RAB10: variants seen among roughly 807,000 people sequenced by gnomAD.
The protein encoded by RAB10 is RAB10, member RAS oncogene family.
In RAB10, 5 loss-of-function variants were observed where a neutral mutation model predicts 25.7. The ratio of observed to expected loss-of-function variants is 0.19; its 90% CI spans 0.10 to 0.41. The LOEUF (loss-of-function observed/expected upper bound fraction) is 0.41, where lower values mean the gene tolerates loss of function less well. Among genes scored for constraint, RAB10 ranks in the 10% least tolerant of loss-of-function variants. The pLI is 1.00. For synonymous variants in RAB10, 89 were observed against 86.4 expected, an observed-to-expected ratio of 1.03 and a Z score of -0.16; for missense variants, 103 against 245.8, an observed-to-expected ratio of 0.42 and a Z score of 3.89.
At chr2:26,077,153 TTG>T (rs1259890612) in intron 1 of RAB10, among the ~76,000 whole-genome samples, 7 of 152,180 alleles carry the variant, frequency 4.6e-5, no homozygotes, top group African/African-American at 1.4e-4. Flanking sequence ...TCAGACATGA[TTG>T]TGTTTTACTT....
chr2:26,074,779 G>T (rs1012933525), intron 1 of RAB10, among the ~76,000 whole-genome samples: 1 of 152,156 alleles, frequency 6.6e-6, no homozygotes, highest in African/African-American at 2.4e-5. Flanking sequence ...ATCTGGAGTC[G>T]AACTCATGTC....
upstream of RAB10, among the ~76,000 whole-genome samples, chr2:26,033,658 A>G (rs1000537210): frequency 6.6e-6 from 1 of 152,226 alleles, no homozygotes; most frequent in Non-Finnish European, 1.5e-5. Context: ...CGCTGCGCCA[A>G]GACCTCCAGC....
At chr2:26,052,069 A>AT (rs1666150653) in intron 1 of RAB10, among the ~76,000 whole-genome samples, 1 of 150,700 alleles carries the variant, frequency 6.6e-6, no homozygotes, top group Non-Finnish European at 1.5e-5. Context: ...AAAAAAAAAA[A>AT]CAAAAAGTCA....
chr2:26,054,569 A>G (rs979975973), intron 1 of RAB10, among the ~76,000 whole-genome samples: 1 of 152,220 alleles, frequency 6.6e-6, no homozygotes, highest in South Asian at 2.1e-4. Flanking sequence ...AGCATAGTTA[A>G]TAGGCAAGAG....
At chr2:26,057,224 C>A (rs1229882212) in intron 1 of RAB10, among the ~76,000 whole-genome samples, 4 of 152,124 alleles carry the variant, frequency 2.6e-5, no homozygotes, top group African/African-American at 9.7e-5. Flanking sequence ...AATAAAACTA[C>A]TTGAAGTCAT....
At chr2:26,060,852 T>A (rs1222906099) in intron 1 of RAB10, among the ~76,000 whole-genome samples, 1 of 152,162 alleles carries the variant, frequency 6.6e-6, no homozygotes, top group Non-Finnish European at 1.5e-5. Context: ...AAAAATCTGC[T>A]GGCCCGACTT....
intron 1 of RAB10, among the ~76,000 whole-genome samples, chr2:26,084,738 A>G (rs931595767): frequency 4.9e-5 from 7 of 141,590 alleles, no homozygotes; most frequent in Non-Finnish European, 7.7e-5. Flanking sequence ...ATCCCTTTTC[A>G]TCGAGTTACC....
intron 1 of RAB10, among the ~76,000 whole-genome samples, chr2:26,087,061 A>G (rs1667003042): frequency 1.3e-5 from 2 of 152,182 alleles, no homozygotes; most frequent in African/African-American, 4.8e-5. Context: ...GTTACACAAC[A>G]TTATGAATTG....
intron 1 of RAB10, among the ~76,000 whole-genome samples, chr2:26,054,937 C>T (rs997399236): frequency 6.6e-6 from 1 of 151,300 alleles, no homozygotes; most frequent in African/African-American, 2.4e-5. Flanking sequence ...GCTGAGATCA[C>T]GTCACTGCAC....
At chr2:26,134,669 A>G (rs1668073305) in intron 5 of RAB10, among the ~76,000 whole-genome samples, 2 of 152,344 alleles carry the variant, frequency 1.3e-5, no homozygotes, top group South Asian at 2.1e-4. Flanking sequence ...AACAAAATCT[A>G]TTTAAGAGTT....
chr2:26,109,439 G>A (rs552217138), intron 2 of RAB10, among the ~76,000 whole-genome samples: 47 of 152,258 alleles, frequency 3.1e-4, no homozygotes, highest in South Asian at 1.7e-3. Context: ...GATTCTAAAT[G>A]TAAATATGAC....
chr2:26,136,585 A>G lies in RAB10; in HGVS notation c.*1564A>G, dbSNP rs1558291912. 2 of 152,650 alleles carry G rather than the reference A, an allele frequency of 1.3e-5. No homozygotes were observed. Among genetic ancestry groups the G allele is most frequent in the South Asian group, 2.1e-4 (1 of 4,836 alleles). 9.5% of individuals were successfully genotyped at this position (152,650 alleles called of 1,614,324 possible). A position where few individuals can be genotyped will look rare whatever the true frequency, so the allele number is the denominator to read the frequency against. ...TAGGATAGGGTAAGTGAAGTTTGCT[A>G]TGCTGCTAGCATCCTAAGATGATAC... On this transcript the variant is annotated 3_prime_UTR_variant, in exon 6 of 6. Coordinates refer to ENST00000264710, the MANE Select transcript of RAB10 (RefSeq NM_016131.5).
chr2:26,082,951 A>G (rs1011603813), intron 1 of RAB10, among the ~76,000 whole-genome samples: 28 of 152,232 alleles, frequency 1.8e-4, no homozygotes, highest in African/African-American at 6.3e-4. Context: ...ATTTAAAATC[A>G]AAGTAATTAG....
At chr2:26,069,674 C>A (rs1165678849) in intron 1 of RAB10, among the ~76,000 whole-genome samples, 1 of 150,750 alleles carries the variant, frequency 6.6e-6, no homozygotes, top group Non-Finnish European at 1.5e-5. Context: ...CCCCTACCCC[C>A]CAAAAAAAAA....
chr2:26,107,437 T>C (rs1667488537), intron 2 of RAB10, among the ~76,000 whole-genome samples: 1 of 152,122 alleles, frequency 6.6e-6, no homozygotes, highest in Non-Finnish European at 1.5e-5. Flanking sequence ...TACAAGCCAG[T>C]GTATCTGACA....
intron 1 of RAB10, among the ~76,000 whole-genome samples, chr2:26,036,654 G>A (rs915512181): frequency 2.6e-5 from 4 of 151,758 alleles, no homozygotes; most frequent in Non-Finnish European, 5.9e-5. Flanking sequence ...GCCAGACTCC[G>A]TCTCAAAATA....
Position 26,034,394 on chromosome 2 carries a change from C to A in RAB10, c.-215C>A. On this transcript the variant is annotated 5_prime_UTR_variant, in exon 1 of 6. It adds an upstream start codon to the 5' untranslated region. Coordinates refer to ENST00000264710, the MANE Select transcript of RAB10 (RefSeq NM_016131.5). ...AACCGGGCGGACGGGCTGGGAGAGGCTGCGGAGCCGCGGTCGCCGCCCTCG... is the reference window on the plus strand; with the variant it reads ...AACCGGGCGGACGGGCTGGGAGAGGATGCGGAGCCGCGGTCGCCGCCCTCG... 1.6e-6 allele frequency: 1 copy of A among 619,546 alleles called. No homozygotes were observed. The highest frequency in any genetic ancestry group is 3.0e-5 in the Admixed American group (1 of 33,876). 38.4% of individuals were successfully genotyped at this position (619,546 alleles called of 1,614,324 possible). A position where few individuals can be genotyped will look rare whatever the true frequency, so the allele number is the denominator to read the frequency against.
chr2:26,038,947 A>C (rs1462750776), intron 1 of RAB10, among the ~76,000 whole-genome samples: 2 of 145,888 alleles, frequency 1.4e-5, no homozygotes, highest in Non-Finnish European at 3.0e-5. Flanking sequence ...AAAAAAATCT[A>C]CCATTGCGTT....
At chr2:26,087,212 G>C (rs1667006314) in intron 1 of RAB10, among the ~76,000 whole-genome samples, 2 of 152,092 alleles carry the variant, frequency 1.3e-5, no homozygotes. Flanking sequence ...ACTGAATACT[G>C]GTTCTGCCAT....
Sources: gnomAD v4.1 joint callset for allele counts (sites outside exome capture counted in the v4.1 genomes callset) on GRCh38, gnomAD v4.1.1 for gene constraint, MANE v1.5 for transcripts, NCBI Gene and HGNC (gene_info 2026-07-23, HGNC 2026-07-21) for gene names.